PYROXD2: variants seen among roughly 807,000 people sequenced by gnomAD.
The protein encoded by PYROXD2 is pyridine nucleotide-disulfide oxidoreductase domain-containing protein 2.
Under a neutral mutation model 71.1 loss-of-function variants are expected in PYROXD2, and 69 were observed. The ratio of observed to expected loss-of-function variants is 0.97; its 90% CI spans 0.80 to 1.19. PYROXD2 has a LOEUF of 1.19. PYROXD2 is among the 50% of genes most tolerant of loss of function. The probability of loss-of-function intolerance (pLI) is 0.00; values close to 1 mark genes in which losing one functional copy is unlikely to be tolerated. For synonymous variants in PYROXD2, 287 were observed against 302.7 expected (o/e 0.95, Z 0.54); for missense variants, 745 against 748.9 (o/e 0.99, Z 0.06).
chr10:98,387,071 C>A lies in PYROXD2; in HGVS notation c.1554+130G>T, dbSNP rs535214702. The A allele has an allele frequency of 3.2e-4, 207 of 648,586 alleles. No individual in the cohort carries two copies. The African/African-American group carries it at 3.5e-3, about 11-fold the overall frequency. 40.2% of individuals were successfully genotyped at this position (648,586 alleles called of 1,614,324 possible). A position where few individuals can be genotyped will look rare whatever the true frequency, so the allele number is the denominator to read the frequency against. On this transcript the variant is annotated intron_variant, in intron 14 of 15. Transcript: ENST00000370575. Reference sequence around the variant, plus strand: ...TTCTCTGCCCTCTCTCAGCCGGGGTCCCTGCCACTGTCCTCCCTTCCTGAT... The same window carrying A: ...TTCTCTGCCCTCTCTCAGCCGGGGTACCTGCCACTGTCCTCCCTTCCTGAT...
At position 98,400,184 on chromosome 10, in the gene PYROXD2, T is replaced by C. The variant is rs775515844; in HGVS notation, c.389A>G (p.Lys130Arg). 1 of 1,613,462 alleles carries C rather than the reference T, an allele frequency of 6.2e-7. No individual in the cohort carries two copies. Among genetic ancestry groups the C allele is most frequent in the Non-Finnish European group, 8.5e-7 (1 of 1,179,668 alleles). The stretch of plus-strand genomic sequence containing the variant: ...GCCCAGCAGAAGGCACCTGGGCACC[T>C]TGCTGCCTGCACCCTCTTCCAGCAT... ...TPMLEEGAGS[K>R]VPRCLLLGTD... The change falls in exon 5 of 16, where the codon AAG (lysine) becomes AGG (arginine). Residue 130 changes from lysine (K) to arginine (R), a missense_variant. Lys to Arg is a conservative substitution (Grantham distance 26, BLOSUM62 2). Coordinates refer to ENST00000370575, the MANE Select transcript of PYROXD2 (RefSeq NM_032709.3).
intron 4 of PYROXD2, among the ~76,000 whole-genome samples, chr10:98,404,270 C>A (rs1843519506): frequency 6.6e-6 from 1 of 152,246 alleles, no homozygotes; most frequent in South Asian, 2.1e-4. Flanking sequence ...CCAGCTGTTT[C>A]TGTACCTCAA....
intron 13 of PYROXD2, among the ~76,000 whole-genome samples, chr10:98,387,685 T>G (rs1053635441): frequency 6.9e-6 from 1 of 144,590 alleles, no homozygotes; most frequent in Admixed American, 7.3e-5. Flanking sequence ...CAGGCTGGAG[T>G]GCAGTGGCGC....
chr10:98,387,380 A>T, intron 13 of PYROXD2, 73 bp from the exon 14 acceptor site: 2 of 988,144 alleles, frequency 2.0e-6, no homozygotes, highest in South Asian at 1.5e-5. Flanking sequence ...ACAACTTGGC[A>T]AATTTACTAA....
At chr10:98,404,634 A>C (rs906629774) in intron 4 of PYROXD2, among the ~76,000 whole-genome samples, 32 of 152,280 alleles carry the variant, frequency 2.1e-4, no homozygotes, top group African/African-American at 7.7e-4. Flanking sequence ...CAGCATGCAC[A>C]GTCATCCTGG....
chr10:98,383,681 G>A lies in PYROXD2; in HGVS notation c.*117C>T. Reference sequence around the variant, plus strand: ...TACGTTTTTTCTAAAATAATTTCTTGAGCATTGTGGTGGCCTTATGTACTA... The same window carrying A: ...TACGTTTTTTCTAAAATAATTTCTTAAGCATTGTGGTGGCCTTATGTACTA... On this transcript the variant is annotated 3_prime_UTR_variant, in exon 16 of 16. Transcript: ENST00000370575. 1.2e-6 allele frequency: 1 copy of A among 807,136 alleles called. No homozygotes were observed. The highest frequency in any genetic ancestry group is 2.1e-6 in the Non-Finnish European group (1 of 467,016). 50.0% of individuals were successfully genotyped at this position (807,136 alleles called of 1,614,324 possible).
chr10:98,405,481 A>T (rs557646702), intron 4 of PYROXD2, among the ~76,000 whole-genome samples: 1 of 152,304 alleles, frequency 6.6e-6, no homozygotes, highest in African/African-American at 2.4e-5. Flanking sequence ...AATGGGGGTA[A>T]TAATAATAGC....
At chr10:98,407,510 AC>A in intron 4 of PYROXD2, 71 bp downstream of exon 4, 4 of 1,578,504 alleles carry the variant, frequency 2.5e-6, no homozygotes, top group Admixed American at 1.8e-5. Context: ...CAGAACAGGG[AC>A]CCCCCACACA....
intron 1 of PYROXD2, chr10:98,413,834 G>C (rs926252823): frequency 6.6e-6 from 1 of 152,024 alleles, no homozygotes; most frequent in Non-Finnish European, 1.5e-5. Flanking sequence ...AGAAAATATG[G>C]AGCACCGTTC....
intron 2 of PYROXD2, 153 bp downstream of exon 2, chr10:98,410,785 CA>C (rs1843757828): frequency 1.8e-6 from 2 of 1,126,866 alleles, no homozygotes; most frequent in Non-Finnish European, 2.5e-6. Context: ...ACCCAGCCCC[CA>C]GTCAGCACTG....
chr10:98,391,276 C>A (rs1318491227), intron 10 of PYROXD2, among the ~76,000 whole-genome samples, 194 bp from the exon 11 acceptor site: 1 of 152,178 alleles, frequency 6.6e-6, no homozygotes, highest in Non-Finnish European at 1.5e-5. Flanking sequence ...ACTTCCTCCT[C>A]CGCGCTTGGC....
intron 14 of PYROXD2, among the ~76,000 whole-genome samples, chr10:98,386,529 C>T (rs1842759856): frequency 6.7e-6 from 1 of 149,458 alleles, no homozygotes; most frequent in Non-Finnish European, 1.5e-5. Flanking sequence ...TCACTTTGGC[C>T]TCAGATCTTT....
At chr10:98,406,766 C>T (rs1280766718) in intron 4 of PYROXD2, among the ~76,000 whole-genome samples, 1 of 151,802 alleles carries the variant, frequency 6.6e-6, no homozygotes, top group Non-Finnish European at 1.5e-5. Context: ...GGTGGTAGCG[C>T]CTATAGTCCC....
intron 14 of PYROXD2, among the ~76,000 whole-genome samples, chr10:98,386,860 T>C (rs1327361736): frequency 2.0e-5 from 3 of 152,190 alleles, no homozygotes; most frequent in Non-Finnish European, 4.4e-5. Context: ...TTTTGATAAA[T>C]TGACAAGTCT....
chr10:98,392,583 C>T lies in PYROXD2; in HGVS notation c.928-17G>A, dbSNP rs1423053624. The T allele has an allele frequency of 1.2e-6, 2 of 1,608,342 alleles. No homozygotes were observed. Among genetic ancestry groups the T allele is most frequent in the Non-Finnish European group, 1.7e-6 (2 of 1,179,786 alleles). On this transcript the variant is annotated splice_polypyrimidine_tract_variant and intron_variant, in intron 9 of 15. Coordinates refer to ENST00000370575, the MANE Select transcript of PYROXD2 (RefSeq NM_032709.3). ...CGCCACTGTCTAGAGCCCACCAGAA[C>T]AAGGCCCCAGAAACCGCAGGAAGGG...
At position 98,383,649 on chromosome 10, in the gene PYROXD2, T is replaced by C; in HGVS notation, c.*149A>G. 1.4e-6 allele frequency: 1 copy of C among 718,710 alleles called. No individual in the cohort carries two copies. The highest frequency in any genetic ancestry group is 2.1e-5 in the Admixed American group (1 of 47,126). 44.5% of individuals were successfully genotyped at this position (718,710 alleles called of 1,614,324 possible). A position where few individuals can be genotyped will look rare whatever the true frequency, so the allele number is the denominator to read the frequency against. On this transcript the variant is annotated 3_prime_UTR_variant, in exon 16 of 16. Coordinates refer to ENST00000370575, the MANE Select transcript of PYROXD2 (RefSeq NM_032709.3). ...GCATAAGGTCAACTTGCACTAAATG[T>C]AACTCGTACGTTTTTTCTAAAATAA...
At chr10:98,411,188 G>T (rs1457909123) in intron 1 of PYROXD2, 2 of 630,430 alleles carry the variant, frequency 3.2e-6, no homozygotes, top group Admixed American at 5.8e-5. Context: ...GGCTGGAAAA[G>T]TCCTGCTCCC....
rs1842976834 is a variant in PYROXD2 at position 98,392,443 on chromosome 10, G to A, written c.1051C>T (p.Leu351=). The A allele has an allele frequency of 6.2e-7, 1 of 1,613,622 alleles. No homozygotes were observed. Among genetic ancestry groups the A allele is most frequent in the South Asian group, 1.1e-5 (1 of 91,078 alleles). Residue 351 remains leucine (L), a synonymous_variant, in exon 10 of 16, where the codon CTG becomes TTG. Coordinates refer to ENST00000370575, the MANE Select transcript of PYROXD2 (RefSeq NM_032709.3). ...NTSPQITFLK[L]TPQEWLPEEF... is the part of the protein sequence containing the mutation. ...GCCCACAGCCTCACCTGTGGCGTCA[G>A]CTTCAGGAAGGTGATCTGCGGTGAT... is the stretch of plus-strand genomic sequence containing the variant.
chr10:98,409,434 G>T (rs1240177882), intron 2 of PYROXD2, among the ~76,000 whole-genome samples: 3 of 152,170 alleles, frequency 2.0e-5, no homozygotes, highest in Non-Finnish European at 2.9e-5. Flanking sequence ...CCTGTGCTAG[G>T]TTCTTTCTAA....
Sources: gnomAD v4.1 joint callset for allele counts (sites outside exome capture counted in the v4.1 genomes callset) on GRCh38, gnomAD v4.1.1 for gene constraint, MANE v1.5 for transcripts, NCBI Gene and HGNC (gene_info 2026-07-23, HGNC 2026-07-21) for gene names.